Variants in CDH23 observed in about 807,000 individuals in gnomAD.
CDH23 encodes the protein cadherin related 23.
A neutral mutation model predicts 317.1 loss-of-function variants in CDH23; 189 were observed. That is an observed-to-expected ratio of 0.60 (90% CI 0.53 to 0.67). The LOEUF is 0.67. Ranked by LOEUF, CDH23 falls within the 30% of genes least tolerant of loss-of-function variation. CDH23 has a pLI of 0.00. For missense variants in CDH23, 4,401 were observed against 4,592.4 expected (o/e 0.96, Z 1.20); for synonymous variants, 1,839 against 1,876.8 (o/e 0.98, Z 0.52).
chr10:71,696,182 C>A (rs1564739023), intron 22 of CDH23, among the ~76,000 whole-genome samples: 1 of 152,214 alleles, frequency 6.6e-6, no homozygotes, highest in African/African-American at 2.4e-5. Flanking sequence ...CACCCCCACA[C>A]CATCTGCTCT....
rs375991880 is a variant in CDH23, at chr10:71,799,232, C to T, written c.7176C>T (p.Ile2392=). ...RAAEIPVYLE[I]VDINDNNPIF... is the part of the protein sequence containing the mutation. ...CTGAGATCCCTGTCTACCTGGAAAT[C>T]GTGGACATCAATGACAACAACCCCA... Residue 2392 remains isoleucine (I), a synonymous_variant, in exon 51 of 70, where the codon ATC becomes ATT. Coordinates refer to ENST00000224721, the MANE Select transcript of CDH23 (RefSeq NM_022124.6). 38 of 1,613,930 alleles carry T rather than the reference C, an allele frequency of 2.4e-5. No homozygotes were observed. The highest frequency in any genetic ancestry group is 1.6e-4 in the Middle Eastern group (1 of 6,084).
At chr10:71,425,179 G>A (rs933052235) in intron 1 of CDH23, among the ~76,000 whole-genome samples, 3 of 150,656 alleles carry the variant, frequency 2.0e-5, no homozygotes, top group Non-Finnish European at 4.4e-5. Context: ...GGGTGAGGGT[G>A]GAAGGGGAGG....
chr10:71,398,433 G>GTGTGTA (rs1189963979), intron 1 of CDH23, among the ~76,000 whole-genome samples: 8 of 81,588 alleles, frequency 9.8e-5, no homozygotes, highest in Non-Finnish European at 1.9e-4. Context: ...ACAGGAGTGT[G>GTGTGTA]TGTGTGTGTG....
intron 11 of CDH23, among the ~76,000 whole-genome samples, chr10:71,638,361 G>A (rs986790803): frequency 1.3e-5 from 2 of 152,218 alleles, no homozygotes; most frequent in African/African-American, 4.8e-5. Context: ...GTCACCAATA[G>A]CAGGGCAGTG....
chr10:71,664,218 C>G (rs188488721), intron 14 of CDH23, among the ~76,000 whole-genome samples: 4 of 152,298 alleles, frequency 2.6e-5, no homozygotes, highest in African/African-American at 7.2e-5. Flanking sequence ...CTTTGACATA[C>G]CGTAATTGCT....
At chr10:71,522,937 C>T (rs191178091) in intron 6 of CDH23, among the ~76,000 whole-genome samples, 90 of 152,202 alleles carry the variant, frequency 5.9e-4, no homozygotes, top group Non-Finnish European at 7.1e-4. Context: ...GAAAAAACAC[C>T]CAGAGAGGTT....
intron 43 of CDH23, 108 bp downstream of exon 43, chr10:71,785,208 G>A (rs1450956552): frequency 1.7e-5 from 15 of 861,904 alleles, no homozygotes; most frequent in East Asian, 5.1e-5. Flanking sequence ...CCGGGCTCCC[G>A]TTCCTGCACT....
chr10:71,603,691 G>A (rs16929124), intron 9 of CDH23, among the ~76,000 whole-genome samples: 9,662 of 152,252 alleles, frequency 0.063, 1,014 homozygotes, highest in African/African-American at 0.22. Context: ...CAGGGCTGAG[G>A]GAGCACCAGT....
intron 2 of CDH23, among the ~76,000 whole-genome samples, chr10:71,441,528 G>A (rs541691676): frequency 6.6e-6 from 1 of 152,240 alleles, no homozygotes; most frequent in Middle Eastern, 3.4e-3. Context: ...AGACCAGCCT[G>A]GCAAACATGG....
At chr10:71,483,169 C>T (rs984201829) in intron 3 of CDH23, among the ~76,000 whole-genome samples, 1 of 152,346 alleles carries the variant, frequency 6.6e-6, no homozygotes, top group South Asian at 2.1e-4. Flanking sequence ...TGGGAAGCTC[C>T]CTGGATGCCA....
intron 24 of CDH23, among the ~76,000 whole-genome samples, chr10:71,703,288 C>G (rs1334600508): frequency 6.6e-6 from 1 of 152,202 alleles, no homozygotes; most frequent in African/African-American, 2.4e-5. Context: ...CCTCTGCCCT[C>G]CGGGGGCCAT....
At chr10:71,598,986 C>T (rs1203985256) in intron 9 of CDH23, among the ~76,000 whole-genome samples, 2 of 152,146 alleles carry the variant, frequency 1.3e-5, no homozygotes, top group East Asian at 1.9e-4. Flanking sequence ...GGCAGGCTGC[C>T]GGGATGAAAT....
intron 39 of CDH23, 131 bp downstream of exon 39, chr10:71,778,032 G>T: frequency 7.0e-7 from 1 of 1,424,492 alleles, no homozygotes. Flanking sequence ...CTCAGTGTGG[G>T]AGGATGAAAA....
chr10:71,619,831 G>T (rs747271308), intron 11 of CDH23, among the ~76,000 whole-genome samples: 2 of 152,202 alleles, frequency 1.3e-5, no homozygotes, highest in South Asian at 4.1e-4. Flanking sequence ...GACAGCTTGT[G>T]TGGGGGCAGC....
chr10:71,687,798 C>A, intron 19 of CDH23, 79 bp downstream of exon 19: 2 of 1,293,154 alleles, frequency 1.5e-6, no homozygotes, highest in East Asian at 2.4e-5. Flanking sequence ...GTGCAGACCC[C>A]GGCTCTGCAC....
intron 3 of CDH23, among the ~76,000 whole-genome samples, chr10:71,492,258 C>T (rs1484691632): frequency 6.6e-6 from 1 of 152,192 alleles, no homozygotes; most frequent in Non-Finnish European, 1.5e-5. Context: ...GCCTCCTGCC[C>T]ACCCACATTT....
chr10:71,632,516 T>G (rs1862061653), intron 11 of CDH23, among the ~76,000 whole-genome samples: 1 of 151,814 alleles, frequency 6.6e-6, no homozygotes, highest in Non-Finnish European at 1.5e-5. Context: ...GGACGAGGGG[T>G]CAGGACTGCT....
In CDH23 at chr10:71,403,450, TTCCTTTCCTTCCTTCCTTCCTTCC is replaced by T. The variant is rs1269006677; in HGVS notation, c.-6+6134_-6+6157del. ...CTTCCTTCCTTCCTTCCTTCCTTCC[TTCCTTTCCTTCCTTCCTTCCTTCC>T]TTCCTTCCTTCCTTCCTTCCTTCCT... On this transcript the variant is annotated intron_variant, in intron 1 of 69. Transcript: ENST00000224721. 2.8e-4 allele frequency among the ~76,000 whole-genome samples: 15 copies of T among 54,282 alleles called. 1 individual carries two copies. The highest frequency in any genetic ancestry group is 1.4e-3 in the African/African-American group (9 of 6,524). 35.6% of individuals were successfully genotyped at this position (54,282 alleles called of 152,430 possible).
intron 11 of CDH23, among the ~76,000 whole-genome samples, chr10:71,638,449 G>C (rs545493481): frequency 2.1e-4 from 32 of 152,372 alleles, no homozygotes; most frequent in Admixed American, 1.2e-3. Context: ...AGGGAGCCTG[G>C]AGGCTGGCTC....
Sources: allele counts gnomAD v4.1 joint callset (sites outside exome capture counted in the v4.1 genomes callset), GRCh38; gene constraint gnomAD v4.1.1; transcripts MANE v1.5; gene names NCBI Gene and HGNC (gene_info 2026-07-23, HGNC 2026-07-21).